ZNF521: variants seen among roughly 807,000 people sequenced by gnomAD.
The protein encoded by ZNF521 is zinc finger protein 521, also known as LYST-interacting protein 3.
In ZNF521, 14 loss-of-function variants were observed where a neutral mutation model predicts 105.5. The ratio of observed to expected loss-of-function variants is 0.13; its 90% CI spans 0.09 to 0.21. ZNF521 has a LOEUF of 0.21. Among genes scored for constraint, ZNF521 ranks in the 10% least tolerant of loss-of-function variants. ZNF521 has a pLI of 1.00. For missense variants in ZNF521, 1,233 were observed against 1,629.7 expected (o/e 0.76, Z 4.19); for synonymous variants, 635 against 606.0 (o/e 1.05, Z -0.70).
intron 3 of ZNF521, among the ~76,000 whole-genome samples, chr18:25,279,446 G>C (rs192957264): frequency 4.9e-4 from 75 of 152,240 alleles, no homozygotes; most frequent in African/African-American, 1.7e-3. Flanking sequence ...AAATGTACTT[G>C]GCTTCTCTTT....
Position 25,227,624 on chromosome 18 carries a change from G to A in ZNF521, c.294C>T (p.Ser98=). ...ASSPSSKDQT[S]PSHGEGCDFG... ...AATCGCAACCTTCTCCATGGCTAGGGGAAGTCTGATCCTTGCTAGAAGGTG... is the reference window on the plus strand; with the variant it reads ...AATCGCAACCTTCTCCATGGCTAGGAGAAGTCTGATCCTTGCTAGAAGGTG... Residue 98 remains serine (S), a synonymous_variant, in exon 4 of 8, where the codon TCC becomes TCT. Coordinates refer to ENST00000361524, the MANE Select transcript of ZNF521 (RefSeq NM_015461.3). This position sits in a 1 kb window ranked among gnomAD's most constrained non-coding sequence, Gnocchi z 5.7. 6.2e-7 allele frequency: 1 copy of A among 1,614,080 alleles called. No homozygotes were observed. The highest frequency in any genetic ancestry group is 1.1e-5 in the South Asian group (1 of 91,072).
chr18:25,079,193 T>C (rs2033434396), intron 7 of ZNF521, among the ~76,000 whole-genome samples: 1 of 152,218 alleles, frequency 6.6e-6, no homozygotes, highest in African/African-American at 2.4e-5. Flanking sequence ...TGCCACTGGT[T>C]GGCCCAGGCC....
chr18:25,152,058 C>T (rs1025028177), intron 5 of ZNF521, among the ~76,000 whole-genome samples: 1 of 152,132 alleles, frequency 6.6e-6, no homozygotes, highest in Non-Finnish European at 1.5e-5. Context: ...GGAATGATCC[C>T]AAAAGACCGT....
intron 3 of ZNF521, among the ~76,000 whole-genome samples, chr18:25,300,618 TATA>T (rs1160623108): frequency 2.0e-5 from 3 of 152,190 alleles, no homozygotes; most frequent in African/African-American, 4.8e-5. Context: ...CTTTGCACGT[TATA>T]ATATTAGGTT....
chr18:25,130,317 G>C (rs1467433262), intron 5 of ZNF521, among the ~76,000 whole-genome samples: 1 of 152,126 alleles, frequency 6.6e-6, no homozygotes, highest in Admixed American at 6.6e-5. Context: ...AAAAATATCA[G>C]TAGTTACTAG....
At position 25,062,752 on chromosome 18, in the gene ZNF521, CAAAAAAAAAAAAAAAAAAAAA is replaced by C; in HGVS notation, c.3907-32_3907-12del. 2 of 359,484 alleles carry C rather than the reference CAAAAAAAAAAAAAAAAAAAAA, an allele frequency of 5.6e-6. No individual in the cohort carries two copies. The highest frequency in any genetic ancestry group is 3.3e-5 in the South Asian group (1 of 29,930). The allele number at this position is 359,484 out of a possible 1,614,324, so 22.3% of individuals were successfully genotyped here. The stretch of plus-strand genomic sequence containing the variant: ...GGTCATTGTATGATTCTGTAAATAA[CAAAAAAAAAAAAAAAAAAAAA>C]AAAAAAAAAAAAGAGAAGAGAGGGA... On this transcript the variant is annotated splice_polypyrimidine_tract_variant and intron_variant, in intron 7 of 7. Coordinates refer to ENST00000361524, the MANE Select transcript of ZNF521 (RefSeq NM_015461.3).
chr18:25,180,588 G>A (rs1482007374), intron 5 of ZNF521, among the ~76,000 whole-genome samples: 7 of 151,800 alleles, frequency 4.6e-5, no homozygotes, highest in East Asian at 1.9e-4. Flanking sequence ...TGCAGAGAAC[G>A]TCTGAAGGAT....
In ZNF521 at chr18:25,226,565, G is replaced by A; in HGVS notation, c.1353C>T (p.Asn451=). 1 of 1,614,158 alleles carries A rather than the reference G, an allele frequency of 6.2e-7. No homozygotes were observed. Among genetic ancestry groups the A allele is most frequent in the Non-Finnish European group, 8.5e-7 (1 of 1,180,024 alleles). The change falls in exon 4 of 8, where the codon AAC becomes AAT. Residue 451 remains asparagine, a synonymous_variant. Transcript: ENST00000361524. The surrounding 1 kb of genome is among the most constrained non-coding windows in gnomAD (Gnocchi z 4.1). The part of the protein sequence containing the change: ...YCLEVLPSLY[N]LNEHLKQVHE... ...GCACTTGCTTAAGATGTTCATTTAG[G>A]TTATAGAGTGAGGGCAGGACCTCCA... is the stretch of plus-strand genomic sequence containing the variant.
At chr18:25,319,225 A>G (rs2145137037) in intron 3 of ZNF521, among the ~76,000 whole-genome samples, 1 of 152,360 alleles carries the variant, frequency 6.6e-6, no homozygotes, top group Non-Finnish European at 1.5e-5. Context: ...GAATATACAA[A>G]TAAACAAATG....
At chr18:25,269,208 G>A (rs575938891) in intron 3 of ZNF521, among the ~76,000 whole-genome samples, 3 of 151,848 alleles carry the variant, frequency 2.0e-5, no homozygotes, top group East Asian at 1.9e-4. Flanking sequence ...TTACATAATC[G>A]TAAAGGAATC....
chr18:25,135,756 A>C (rs1181955884), intron 5 of ZNF521, among the ~76,000 whole-genome samples: 6 of 152,058 alleles, frequency 3.9e-5, no homozygotes, highest in Non-Finnish European at 8.8e-5. Context: ...TAGGGAAATT[A>C]CATTTCCTGT....
At chr18:25,104,036 G>A (rs1207624408) in intron 5 of ZNF521, among the ~76,000 whole-genome samples, 3 of 152,212 alleles carry the variant, frequency 2.0e-5, no homozygotes, top group South Asian at 4.1e-4. Flanking sequence ...TAAAGAATGA[G>A]ACATAATAGT....
intron 3 of ZNF521, among the ~76,000 whole-genome samples, chr18:25,303,890 G>A (rs531754457): frequency 2.4e-4 from 37 of 152,258 alleles, no homozygotes; most frequent in African/African-American, 8.9e-4. Context: ...TACAGAAATA[G>A]GTTGTTCAGG....
At chr18:25,351,291 G>C (rs1214692250) in intron 1 of ZNF521, 6 of 133,510 alleles carry the variant, frequency 4.5e-5, no homozygotes, top group Non-Finnish European at 8.1e-5. Context: ...AAACCCCAAA[G>C]ACAATGTTTG....
chr18:25,211,322 GT>G (rs1462376426), intron 4 of ZNF521, among the ~76,000 whole-genome samples: 1 of 151,990 alleles, frequency 6.6e-6, no homozygotes, highest in Non-Finnish European at 1.5e-5. Context: ...GGAGTTTTTT[GT>G]TTTTATGTTA....
chr18:25,071,588 T>C (rs1000709909), intron 7 of ZNF521, among the ~76,000 whole-genome samples: 27 of 152,172 alleles, frequency 1.8e-4, no homozygotes, highest in African/African-American at 6.3e-4. Context: ...ACTACACCTG[T>C]AAGTAATACT....
At chr18:25,188,102 G>C (rs914119447) in intron 5 of ZNF521, among the ~76,000 whole-genome samples, 1 of 152,022 alleles carries the variant, frequency 6.6e-6, no homozygotes, top group Non-Finnish European at 1.5e-5. Flanking sequence ...CTCCTTTCCA[G>C]CTCCCTAACA....
chr18:25,257,438 C>T (rs946452636), intron 3 of ZNF521, among the ~76,000 whole-genome samples: 2 of 152,152 alleles, frequency 1.3e-5, no homozygotes, highest in African/African-American at 2.4e-5. Context: ...AAATACATAA[C>T]TTCCTGTCTG....
intron 2 of ZNF521, among the ~76,000 whole-genome samples, chr18:25,343,831 T>TA (rs1914340057): frequency 6.6e-6 from 1 of 152,214 alleles, no homozygotes. Context: ...AATCTTTTTT[T>TA]AAAAAGTGTT....
Sources: gnomAD v4.1 joint callset for allele counts (sites outside exome capture counted in the v4.1 genomes callset) on GRCh38, gnomAD v4.1.1 for gene constraint, Gnocchi (gnomAD v3.1) non-coding constraint, MANE v1.5 for transcripts, NCBI Gene and HGNC (gene_info 2026-07-23, HGNC 2026-07-21) for gene names.